Variants in TRPM3 observed in about 807,000 individuals in gnomAD.
TRPM3 encodes the protein long transient receptor potential channel 3.
A neutral mutation model predicts 181.2 loss-of-function variants in TRPM3; 77 were observed. The ratio of observed to expected loss-of-function variants is 0.42; its 90% CI spans 0.35 to 0.51. TRPM3 has a LOEUF of 0.51. Ranked by LOEUF, TRPM3 falls within the 20% of genes least tolerant of loss-of-function variation. The pLI is 0.01. For missense variants in TRPM3, 1,759 were observed against 2,196.7 expected (o/e 0.80, Z 3.98); for synonymous variants, 745 against 796.4 (o/e 0.94, Z 1.09).
intron 1 of TRPM3, among the ~76,000 whole-genome samples, chr9:71,276,593 A>G (rs2084232425): frequency 6.6e-6 from 1 of 152,186 alleles, no homozygotes; most frequent in Non-Finnish European, 1.5e-5. Context: ...AAAGAAACCA[A>G]TTAAAATCAT....
At chr9:71,356,820 G>C (rs983630247) in intron 1 of TRPM3, among the ~76,000 whole-genome samples, 1 of 152,106 alleles carries the variant, frequency 6.6e-6, no homozygotes, top group African/African-American at 2.4e-5. Flanking sequence ...CCCAGAGAGA[G>C]AGATCAGTGA....
At chr9:71,091,600 A>G (rs1035537605) in intron 1 of TRPM3, among the ~76,000 whole-genome samples, 2 of 152,072 alleles carry the variant, frequency 1.3e-5, no homozygotes, top group African/African-American at 4.8e-5. Flanking sequence ...GAGAAACCCA[A>G]TATTTAGCAA....
intron 1 of TRPM3, among the ~76,000 whole-genome samples, chr9:71,320,237 AG>A (rs2089075220): frequency 6.6e-6 from 1 of 152,198 alleles, no homozygotes; most frequent in African/African-American, 2.4e-5. Context: ...TATATTAAAA[AG>A]AACAGCAATA....
intron 1 of TRPM3, among the ~76,000 whole-genome samples, chr9:70,969,210 T>C (rs961774847): frequency 1.3e-5 from 2 of 150,710 alleles, no homozygotes. Context: ...CACTCATAAA[T>C]GGGAGTTGAG....
intron 1 of TRPM3, among the ~76,000 whole-genome samples, chr9:71,048,257 A>G (rs2059685326): frequency 6.6e-6 from 1 of 152,158 alleles, no homozygotes; most frequent in South Asian, 2.1e-4. Flanking sequence ...CAAGTACTCA[A>G]TATATCTGTT....
In TRPM3 at chr9:70,893,515, A is replaced by G. The variant is rs34568509; in HGVS notation, c.178-29004T>C. On this transcript the variant is annotated intron_variant, in intron 1 of 25. Transcript: ENST00000677713. Reference sequence around the variant, plus strand: ...AATATCAGTATAACATAAATATCCAATTGTCCCATGGTGACTACGAATGGT... The same window carrying G: ...AATATCAGTATAACATAAATATCCAGTTGTCCCATGGTGACTACGAATGGT... Among the ~76,000 whole-genome samples the G allele has an allele frequency of 3.9e-3, 596 of 152,264 alleles. 2 individuals carry two copies. The highest frequency in any genetic ancestry group is 6.2e-3 in the Non-Finnish European group (419 of 68,022).
chr9:70,935,645 G>C (rs2096822201), intron 1 of TRPM3, among the ~76,000 whole-genome samples: 1 of 152,088 alleles, frequency 6.6e-6, no homozygotes, highest in Non-Finnish European at 1.5e-5. Context: ...ACTTGTCTGG[G>C]TTGCTGAGCA....
chr9:71,182,153 G>A (rs770454118), intron 1 of TRPM3, among the ~76,000 whole-genome samples: 3 of 152,148 alleles, frequency 2.0e-5, no homozygotes, highest in South Asian at 2.1e-4. Context: ...CTAAATATAT[G>A]ATGCATTTTT....
At chr9:71,179,777 G>C in intron 1 of TRPM3, among the ~76,000 whole-genome samples, 1 of 151,888 alleles carries the variant, frequency 6.6e-6, no homozygotes, top group South Asian at 2.1e-4. Flanking sequence ...TTCCATTCGG[G>C]GAATATTTTT....
At chr9:70,848,976 C>CAAAAAAA (rs749477799) in intron 3 of TRPM3, among the ~76,000 whole-genome samples, 2 of 11,968 alleles carry the variant, frequency 1.7e-4, no homozygotes, top group Non-Finnish European at 3.2e-4. Context: ...GACTCCGTCT[C>CAAAAAAA]AAAAAAAAAA....
intron 6 of TRPM3, among the ~76,000 whole-genome samples, chr9:70,791,560 C>G (rs750351523): frequency 5.9e-5 from 9 of 152,214 alleles, no homozygotes; most frequent in Non-Finnish European, 1.2e-4. Flanking sequence ...TGAACCCCCT[C>G]TATGTACAAT....
At chr9:71,057,211 G>C (rs185955765) in intron 1 of TRPM3, among the ~76,000 whole-genome samples, 183 of 152,038 alleles carry the variant, frequency 1.2e-3, no homozygotes, top group African/African-American at 4.1e-3. Flanking sequence ...TTCCTCTGAA[G>C]GGCCAGAGGG....
chr9:71,332,205 C>T (rs1262632489), intron 1 of TRPM3, among the ~76,000 whole-genome samples: 1 of 151,696 alleles, frequency 6.6e-6, no homozygotes, highest in East Asian at 1.9e-4. Flanking sequence ...TAGAATTTTG[C>T]TGCACTTTCG....
chr9:70,535,084 C>A lies in TRPM3; in HGVS notation c.*869G>T. 1.3e-5 allele frequency: 2 copies of A among 158,762 alleles called. No homozygotes were observed. Among genetic ancestry groups the A allele is most frequent in the East Asian group, 1.7e-4 (1 of 5,770 alleles). 9.8% of individuals were successfully genotyped at this position (158,762 alleles called of 1,614,324 possible). ...ATATTACATATTCAGTGAATGAATT[C>A]ATCCATGACAGGTGAGATACAAAAT... On this transcript the variant is annotated 3_prime_UTR_variant, in exon 26 of 26. Coordinates refer to ENST00000677713, the MANE Select transcript of TRPM3 (RefSeq NM_001366145.2).
At chr9:70,973,683 A>T (rs1198980372) in intron 1 of TRPM3, among the ~76,000 whole-genome samples, 1 of 152,232 alleles carries the variant, frequency 6.6e-6, no homozygotes, top group Non-Finnish European at 1.5e-5. Context: ...GCTACAAATC[A>T]TCATCTTCAT....
At chr9:71,435,815 T>G (rs1168715297) in intron 1 of TRPM3, among the ~76,000 whole-genome samples, 1 of 152,066 alleles carries the variant, frequency 6.6e-6, no homozygotes, top group Non-Finnish European at 1.5e-5. Flanking sequence ...AAAGAGATGG[T>G]TTTCAATTAC....
intron 1 of TRPM3, among the ~76,000 whole-genome samples, chr9:71,394,430 A>T (rs1006145513): frequency 6.6e-6 from 1 of 152,216 alleles, no homozygotes; most frequent in African/African-American, 2.4e-5. Flanking sequence ...AAGATAAAAC[A>T]TGTATTTGTT....
At chr9:70,747,446 C>G (rs1333021382) in intron 8 of TRPM3, among the ~76,000 whole-genome samples, 1 of 152,014 alleles carries the variant, frequency 6.6e-6, no homozygotes, top group Non-Finnish European at 1.5e-5. Flanking sequence ...TGTGATGAAT[C>G]CATAAAGAAG....
intron 1 of TRPM3, among the ~76,000 whole-genome samples, chr9:71,110,709 G>C (rs1254640188): frequency 6.6e-6 from 1 of 152,158 alleles, no homozygotes; most frequent in East Asian, 1.9e-4. Context: ...AGGTAACTCA[G>C]CTAGGATATT....
Sources: allele counts gnomAD v4.1 joint callset (sites outside exome capture counted in the v4.1 genomes callset), GRCh38; gene constraint gnomAD v4.1.1; transcripts MANE v1.5; gene names NCBI Gene and HGNC (gene_info 2026-07-23, HGNC 2026-07-21).